Variants in RPTOR observed in about 807,000 individuals in gnomAD.
The protein encoded by RPTOR is regulatory associated protein of MTOR complex 1.
Under a neutral mutation model 169.9 loss-of-function variants are expected in RPTOR, and 21 were observed. The observed-to-expected ratio is 0.12, with a 90% confidence interval of 0.09 to 0.18. RPTOR has a LOEUF of 0.18. Ranked by LOEUF, RPTOR falls within the 10% of genes least tolerant of loss-of-function variation. The pLI is 1.00. For missense variants in RPTOR, 1,133 were observed against 1,855.9 expected, an observed-to-expected ratio of 0.61 and a Z score of 7.16; for synonymous variants, 732 against 753.2, an observed-to-expected ratio of 0.97 and a Z score of 0.46.
At position 80,659,082 on chromosome 17, in the gene RPTOR, C is replaced by T. The variant is rs938335100; in HGVS notation, c.348+15272C>T. On this transcript the variant is annotated intron_variant, in intron 3 of 33. Transcript: ENST00000306801. The surrounding 1 kb of genome is among the most constrained non-coding windows in gnomAD (Gnocchi z 4.3). ...TGTGCCGAGAGCCACAGGGCTCACC[C>T]GTGGAGGGAATCTGAGTCCCGATTG... Among the ~76,000 whole-genome samples, 10 of 152,162 alleles carry T rather than the reference C, an allele frequency of 6.6e-5. No homozygotes were observed. The highest frequency in any genetic ancestry group is 4.1e-4 in the South Asian group (2 of 4,828).
At chr17:80,952,549 C>G (rs1157049842) in intron 28 of RPTOR, among the ~76,000 whole-genome samples, 1 of 152,260 alleles carries the variant, frequency 6.6e-6, no homozygotes, top group Non-Finnish European at 1.5e-5. Context: ...ACACCCAGCT[C>G]AGGCACACGC....
intron 3 of RPTOR, among the ~76,000 whole-genome samples, chr17:80,662,151 G>C (rs1240991157): frequency 6.6e-6 from 1 of 152,088 alleles, no homozygotes; most frequent in African/African-American, 2.4e-5. Flanking sequence ...AAGCAAGATG[G>C]AGATCATTTC....
intron 13 of RPTOR, among the ~76,000 whole-genome samples, chr17:80,871,607 G>A (rs920703733): frequency 6.6e-6 from 1 of 152,198 alleles, no homozygotes; most frequent in African/African-American, 2.4e-5. Context: ...TCGCTTGGAT[G>A]TGCTAGGCTT....
chr17:80,952,479 G>A (rs141212745), intron 28 of RPTOR, among the ~76,000 whole-genome samples: 114 of 152,296 alleles, frequency 7.5e-4, no homozygotes, highest in African/African-American at 2.4e-3. Flanking sequence ...GGCCCAAGGC[G>A]TGACCTCCGC....
intron 6 of RPTOR, among the ~76,000 whole-genome samples, chr17:80,784,652 C>A (rs1478439085): frequency 6.6e-6 from 1 of 151,366 alleles, no homozygotes; most frequent in Non-Finnish European, 1.5e-5. Flanking sequence ...CTCAGCCCCC[C>A]AAAGTGCTGG....
intron 28 of RPTOR, among the ~76,000 whole-genome samples, chr17:80,950,678 A>G (rs6565502): frequency 0.34 from 51,976 of 151,784 alleles, 10,028 homozygotes; most frequent in East Asian, 0.56. Context: ...AGGGCAGGAA[A>G]AGTGAGCCCC....
At chr17:80,624,651 A>C (rs1037391277) in intron 1 of RPTOR, among the ~76,000 whole-genome samples, 3 of 152,236 alleles carry the variant, frequency 2.0e-5, no homozygotes, top group Non-Finnish European at 4.4e-5. Flanking sequence ...TTTGGGGCAG[A>C]TTATTTAACA....
intron 2 of RPTOR, among the ~76,000 whole-genome samples, chr17:80,638,411 CTTTTTT>C (rs11399351): frequency 7.9e-6 from 1 of 126,292 alleles, no homozygotes. Context: ...TTCTTCCTTT[CTTTTTT>C]TTTTTTTTTT....
chr17:80,874,299 C>T (rs1262517186), intron 13 of RPTOR, among the ~76,000 whole-genome samples: 5 of 151,776 alleles, frequency 3.3e-5, no homozygotes, highest in Admixed American at 6.6e-5. Flanking sequence ...CGGGTTCAAG[C>T]GATTTTCCTG....
intron 3 of RPTOR, among the ~76,000 whole-genome samples, chr17:80,681,159 C>T (rs774001937): frequency 3.9e-5 from 6 of 152,104 alleles, no homozygotes; most frequent in African/African-American, 1.4e-4. Flanking sequence ...ACGTGTTCTG[C>T]GGAGGCCAGT....
At chr17:80,872,441 A>G (rs546986782) in intron 13 of RPTOR, among the ~76,000 whole-genome samples, 1 of 152,074 alleles carries the variant, frequency 6.6e-6, no homozygotes, top group Non-Finnish European at 1.5e-5. Context: ...AAGCCAGACC[A>G]CACGAGCTGG....
At chr17:80,683,847 C>T (rs574738006) in intron 3 of RPTOR, among the ~76,000 whole-genome samples, 6 of 152,106 alleles carry the variant, frequency 3.9e-5, no homozygotes, top group Non-Finnish European at 5.9e-5. Context: ...ATATTCTACC[C>T]GCATGGCTCA....
At chr17:80,800,017 C>A (rs2067140663) in intron 7 of RPTOR, among the ~76,000 whole-genome samples, 1 of 152,220 alleles carries the variant, frequency 6.6e-6, no homozygotes, top group Admixed American at 6.5e-5. Context: ...CCAGAGCTCT[C>A]TAGGGGTCCG....
intron 3 of RPTOR, among the ~76,000 whole-genome samples, chr17:80,666,071 A>G (rs1470646050): frequency 2.6e-5 from 4 of 152,048 alleles, no homozygotes; most frequent in African/African-American, 9.7e-5. Context: ...ATTTTTAGTG[A>G]CTGTCCCTCA....
chr17:80,908,938 C>G lies in RPTOR; in HGVS notation c.2520+9C>G, dbSNP rs764082804. On this transcript the variant is annotated intron_variant, in intron 21 of 33. Transcript: ENST00000306801. ...ACAGCATCGCCTACAAGGTACGTGCCGGGCGCTCCCCACCGCGCTCCAGCT... is the reference window on the plus strand; with the variant it reads ...ACAGCATCGCCTACAAGGTACGTGCGGGGCGCTCCCCACCGCGCTCCAGCT... The G allele has an allele frequency of 6.3e-7, 1 of 1,593,822 alleles. No homozygotes were observed. The highest frequency in any genetic ancestry group is 8.6e-7 in the Non-Finnish European group (1 of 1,162,224).
intron 28 of RPTOR, among the ~76,000 whole-genome samples, chr17:80,955,787 C>T (rs1409415760): frequency 6.6e-6 from 1 of 152,124 alleles, no homozygotes; most frequent in Non-Finnish European, 1.5e-5. Context: ...AAATGGCCTT[C>T]CCTGGGGAGA....
At chr17:80,930,457 C>G (rs1598408169) in intron 24 of RPTOR, among the ~76,000 whole-genome samples, 1 of 135,974 alleles carries the variant, frequency 7.4e-6, no homozygotes, top group Non-Finnish European at 1.6e-5. Flanking sequence ...CTCAGCTCAT[C>G]CCCAGCTCAT....
At chr17:80,689,385 C>T (rs1268811466) in intron 3 of RPTOR, among the ~76,000 whole-genome samples, 3 of 152,238 alleles carry the variant, frequency 2.0e-5, no homozygotes, top group Non-Finnish European at 4.4e-5. Context: ...CCACCTGCTC[C>T]CTGACATCCG....
intron 6 of RPTOR, among the ~76,000 whole-genome samples, chr17:80,783,154 C>G (rs1438503306): frequency 6.6e-6 from 1 of 152,318 alleles, no homozygotes; most frequent in African/African-American, 2.4e-5. Context: ...AGGCAAGGAG[C>G]CTCCCTTTCA....
Sources: allele counts gnomAD v4.1 joint callset (sites outside exome capture counted in the v4.1 genomes callset), GRCh38; gene constraint gnomAD v4.1.1; non-coding constraint Gnocchi (gnomAD v3.1); transcripts MANE v1.5; gene names NCBI Gene and HGNC (gene_info 2026-07-23, HGNC 2026-07-21).